The following LATS2 variants were observed in gnomAD, a reference collection of about 807,000 sequenced individuals.
The protein encoded by LATS2 is serine/threonine-protein kinase LATS2.
In LATS2, 24 loss-of-function variants were observed where a neutral mutation model predicts 76.0. The ratio of observed to expected loss-of-function variants is 0.32; its 90% CI spans 0.23 to 0.44. LATS2 has a LOEUF of 0.44. Ranked by LOEUF, LATS2 falls within the 20% of genes least tolerant of loss-of-function variation. LATS2 has a pLI of 1.00. For missense variants in LATS2, 1,286 were observed against 1,481.2 expected, an observed-to-expected ratio of 0.87 and a Z score of 2.16; for synonymous variants, 692 against 635.4, an observed-to-expected ratio of 1.09 and a Z score of -1.34.
Position 20,988,626 on chromosome 13 carries a change from C to T in LATS2, c.1154G>A (p.Gly385Asp), listed in dbSNP as rs1259441480. 4 of 1,587,832 alleles carry T rather than the reference C, an allele frequency of 2.5e-6. No homozygotes were observed. The highest frequency in any genetic ancestry group is 2.7e-5 in the African/African-American group (2 of 74,206). ...LARRDSLQKP[G>D]LEAPPRAHVA... ...GTGCGCGCGCGGCGGCGCCTCCAGG[C>T]CCGGCTTCTGCAGGGAGTCCCGGCG... Residue 385 changes from glycine (G) to aspartate (D), a missense_variant, in exon 4 of 8, where the codon GGC becomes GAC. Coordinates refer to ENST00000382592, the MANE Select transcript of LATS2 (RefSeq NM_014572.3).
intron 2 of LATS2, among the ~76,000 whole-genome samples, chr13:21,002,173 A>G (rs1480904412): frequency 1.3e-5 from 2 of 151,930 alleles, no homozygotes; most frequent in African/African-American, 4.8e-5. Context: ...TTGGCCTCCT[A>G]AAGTGCTGGG....
intron 7 of LATS2, among the ~76,000 whole-genome samples, chr13:20,975,747 G>A (rs1869590275): frequency 6.6e-6 from 1 of 152,074 alleles, no homozygotes. Flanking sequence ...GCAGTGGTGC[G>A]ATCTTGGCTC....
At chr13:21,001,554 G>A (rs960527326) in intron 2 of LATS2, among the ~76,000 whole-genome samples, 21 of 152,150 alleles carry the variant, frequency 1.4e-4, no homozygotes, top group South Asian at 4.1e-4. Context: ...ACCATGGTTG[G>A]AGACAGATCC....
intron 1 of LATS2, among the ~76,000 whole-genome samples, chr13:21,058,651 G>T (rs569139852): frequency 6.6e-6 from 1 of 152,226 alleles, no homozygotes; most frequent in African/African-American, 2.4e-5. Context: ...ATAATTCAAT[G>T]ATTCTAGTAA....
chr13:20,983,273 G>A lies in LATS2; in HGVS notation c.2433C>T (p.Gly811=). ...LDGHIKLTDF[G]LCTGFRWTHN... is the part of the protein sequence containing the mutation. ...GAGTCCACCTGAACCCAGTGCAGAG[G>A]CCGAAATCTGTGAGTTTAATGTGAC... is the stretch of plus-strand genomic sequence containing the variant. Residue 811 remains glycine (G), a synonymous_variant, in exon 5 of 8, where the codon GGC becomes GGT. Coordinates refer to ENST00000382592, the MANE Select transcript of LATS2 (RefSeq NM_014572.3). 1 of 1,613,952 alleles carries A rather than the reference G, an allele frequency of 6.2e-7. No individual in the cohort carries two copies. The highest frequency in any genetic ancestry group is 8.5e-7 in the Non-Finnish European group (1 of 1,179,994).
intron 2 of LATS2, among the ~76,000 whole-genome samples, chr13:21,002,242 A>G (rs1232816765): frequency 6.6e-6 from 1 of 152,152 alleles, no homozygotes; most frequent in East Asian, 1.9e-4. Context: ...GTCACTAAAA[A>G]TTCTGGGATG....
chr13:21,050,918 A>G (rs977980009), intron 1 of LATS2, among the ~76,000 whole-genome samples: 1 of 152,250 alleles, frequency 6.6e-6, no homozygotes, highest in Non-Finnish European at 1.5e-5. Flanking sequence ...ACGCATAGAC[A>G]TGCCATGATA....
intron 4 of LATS2, among the ~76,000 whole-genome samples, chr13:20,984,123 A>G (rs1870037233): frequency 6.6e-6 from 1 of 152,132 alleles, no homozygotes; most frequent in East Asian, 1.9e-4. Context: ...TAGTAGAAAC[A>G]GCGTTTCATC....
At chr13:21,010,440 C>T (rs548115758) in intron 2 of LATS2, among the ~76,000 whole-genome samples, 1 of 152,234 alleles carries the variant, frequency 6.6e-6, no homozygotes, top group East Asian at 1.9e-4. Context: ...CCCTATAGTC[C>T]TTCCAATCAG....
Position 20,981,504 on chromosome 13 carries a change from G to A in LATS2, c.2627C>T (p.Thr876Ile). ...CACCTCGGGTGCGATGTAGTTTGGA[G>A]TCCCCACCAGTGAATGTGCCAGGCA... ...QRCLAHSLVG[T>I]PNYIAPEVLL... Residue 876 changes from threonine to isoleucine, a missense_variant, in exon 6 of 8, where the codon ACT becomes ATT. This residue lies in a region of LATS2 where 247 missense variants were observed against 385.4 expected (regional missense o/e 0.64). Coordinates refer to ENST00000382592, the MANE Select transcript of LATS2 (RefSeq NM_014572.3). 1 of 1,614,100 alleles carries A rather than the reference G, an allele frequency of 6.2e-7. No homozygotes were observed. The highest frequency in any genetic ancestry group is 8.5e-7 in the Non-Finnish European group (1 of 1,180,024).
intron 2 of LATS2, among the ~76,000 whole-genome samples, chr13:21,025,281 A>C (rs1346163141): frequency 6.6e-6 from 1 of 151,498 alleles, no homozygotes; most frequent in East Asian, 1.9e-4. Context: ...AATCCCAGCT[A>C]CTAGGGAGGC....
At chr13:21,058,938 A>G (rs571875799) in intron 1 of LATS2, among the ~76,000 whole-genome samples, 1 of 150,964 alleles carries the variant, frequency 6.6e-6, no homozygotes, top group African/African-American at 2.4e-5. Flanking sequence ...AACGGTTGTT[A>G]CAGAAAAAAA....
At chr13:20,999,809 T>A (rs542680200) in intron 2 of LATS2, among the ~76,000 whole-genome samples, 3 of 146,914 alleles carry the variant, frequency 2.0e-5, no homozygotes, top group East Asian at 2.0e-4. Context: ...GCCTTGCCAA[T>A]GATCACGAGA....
At chr13:20,990,401 T>G (rs1348281297) in intron 3 of LATS2, among the ~76,000 whole-genome samples, 1 of 149,788 alleles carries the variant, frequency 6.7e-6, no homozygotes, top group Admixed American at 6.7e-5. Flanking sequence ...CTCACCCACA[T>G]GAAGTAGGTT....
At chr13:20,992,745 G>C (rs2138299505) in intron 2 of LATS2, among the ~76,000 whole-genome samples, 1 of 152,206 alleles carries the variant, frequency 6.6e-6, no homozygotes, top group East Asian at 1.9e-4. Context: ...GAGAAGAAAG[G>C]GGTGGAGATG....
chr13:20,985,001 G>A lies in LATS2; in HGVS notation c.1900-1195C>T, dbSNP rs186745617. On this transcript the variant is annotated intron_variant, in intron 4 of 7. Transcript: ENST00000382592. ...ATAGAGAACCCAGAAATAAGTCCAC[G>A]TATTTACAGCCACCTGATTTTTGAC... 3.3e-3 allele frequency among the ~76,000 whole-genome samples: 509 copies of A among 152,212 alleles called. 2 individuals are homozygous for A. Among genetic ancestry groups the A allele is most frequent in the Middle Eastern group, 0.024 (7 of 294 alleles).
intron 2 of LATS2, among the ~76,000 whole-genome samples, chr13:20,995,546 T>G (rs189628114): frequency 1.3e-5 from 2 of 152,170 alleles, no homozygotes; most frequent in African/African-American, 4.8e-5. Context: ...CAATGAATGA[T>G]TGAGTGAGTG....
chr13:20,996,326 C>G (rs935239830), intron 2 of LATS2, among the ~76,000 whole-genome samples: 6 of 151,954 alleles, frequency 3.9e-5, no homozygotes, highest in African/African-American at 1.2e-4. Flanking sequence ...ATTCACATCT[C>G]ACATCCAGTC....
Position 20,983,624 on chromosome 13 carries a change from G to C in LATS2, c.2082C>G (p.Tyr694Ter). The C allele has an allele frequency of 6.2e-7, 1 of 1,614,120 alleles. No individual in the cohort carries two copies. Among genetic ancestry groups the C allele is most frequent in the Non-Finnish European group, 8.5e-7 (1 of 1,180,026 alleles). ...LACKVDTHAL[Y>*]AMKTLRKKDV... ...CCTTTTTCCTTAGGGTCTTCATGGC[G>C]TACAGGGCGTGAGTGTCCACCTTAC... Residue 694 changes from tyrosine (Y) to a stop codon, truncating the protein, a stop_gained, in exon 5 of 8, where the codon TAC becomes TAG. Coordinates refer to ENST00000382592, the MANE Select transcript of LATS2 (RefSeq NM_014572.3). LOFTEE classifies it high-confidence loss of function.
Sources: allele counts gnomAD v4.1 joint callset (sites outside exome capture counted in the v4.1 genomes callset), GRCh38; gene constraint gnomAD v4.1.1; regional missense constraint gnomAD v4.1.1; transcripts MANE v1.5; gene names NCBI Gene and HGNC (gene_info 2026-07-23, HGNC 2026-07-21).